CD164: variants seen among roughly 807,000 people sequenced by gnomAD.
CD164 encodes the protein sialomucin core protein 24.
A neutral mutation model predicts 24.6 loss-of-function variants in CD164; 11 were observed. The ratio of observed to expected loss-of-function variants is 0.45; its 90% CI spans 0.28 to 0.74. The LOEUF (loss-of-function observed/expected upper bound fraction) is 0.74, where lower values mean the gene tolerates loss of function less well. Ranked by LOEUF, CD164 falls within the 30% of genes least tolerant of loss-of-function variation. The pLI is 0.13. For synonymous variants in CD164, 126 were observed against 100.3 expected (o/e 1.26, Z -1.53); for missense variants, 295 against 243.7 (o/e 1.21, Z -1.40).
At position 109,368,482 on chromosome 6, in the gene CD164, C is replaced by T. The variant is rs1295773278; in HGVS notation, c.*369G>A. On this transcript the variant is annotated 3_prime_UTR_variant, in exon 6 of 6. Transcript: ENST00000310786. ...GGCACGTTCTTCTCAATTCTGTTCA[C>T]TAAATTAAAATTACTAAATTTAAAC... 2.2e-6 allele frequency: 3 copies of T among 1,354,610 alleles called. No homozygotes were observed. The highest frequency in any genetic ancestry group is 3.0e-5 in the African/African-American group (2 of 65,964). 83.9% of individuals were successfully genotyped at this position (1,354,610 alleles called of 1,614,324 possible). A position where few individuals can be genotyped will look rare whatever the true frequency, so the allele number is the denominator to read the frequency against.
At chr6:109,374,144 C>G (rs1771266996) in intron 4 of CD164, among the ~76,000 whole-genome samples, 1 of 152,120 alleles carries the variant, frequency 6.6e-6, no homozygotes, top group African/African-American at 2.4e-5. Flanking sequence ...TTACTGTTTC[C>G]TAGAGTCTGG....
At position 109,382,462 on chromosome 6, in the gene CD164, G is replaced by C. The variant is rs1771841603; in HGVS notation, c.-84C>G. 1.2e-5 allele frequency: 16 copies of C among 1,312,708 alleles called. No individual in the cohort carries two copies. In the South Asian group the frequency reaches 1.3e-4, roughly 11 times the overall value. 81.3% of individuals were successfully genotyped at this position (1,312,708 alleles called of 1,614,324 possible). A position where few individuals can be genotyped will look rare whatever the true frequency, so the allele number is the denominator to read the frequency against. On this transcript the variant is annotated 5_prime_UTR_variant, in exon 1 of 6. Transcript: ENST00000310786. ...CTCAATCCCCTGCGGCGCCGCCTCC[G>C]AGACTACGCTCCCCCGCGGGAGCGC...
In CD164 at chr6:109,368,034, G is replaced by A. The variant is rs1467070851; in HGVS notation, c.*817C>T. On this transcript the variant is annotated 3_prime_UTR_variant, in exon 6 of 6. Coordinates refer to ENST00000310786, the MANE Select transcript of CD164 (RefSeq NM_006016.6). ...AACAGACTTTAGCTTAAGTTTCTCC[G>A]CTCTGAAATAAATTTTCAATAAAAT... is the stretch of plus-strand genomic sequence containing the variant. The A allele has an allele frequency of 9.8e-6, 3 of 307,112 alleles. No individual in the cohort carries two copies. The highest frequency in any genetic ancestry group is 5.1e-5 in the Admixed American group (1 of 19,498). 19.0% of individuals were successfully genotyped at this position (307,112 alleles called of 1,614,324 possible).
In CD164 at chr6:109,379,668, G is replaced by GA. The variant is rs1562243546; in HGVS notation, c.176-7dup. The GA allele has an allele frequency of 2.6e-5, 42 of 1,606,108 alleles. No homozygotes were observed. The highest frequency in any genetic ancestry group is 3.5e-5 in the Non-Finnish European group (41 of 1,175,694). On this transcript the variant is annotated splice_region_variant and splice_polypyrimidine_tract_variant and intron_variant, in intron 1 of 5. Transcript: ENST00000310786. ...GTTTCGACCTTCACAGGTTTCTGGG[G>GA]AGTTGGGGGGAGAGATGCATGAAAT...
intron 3 of CD164, among the ~76,000 whole-genome samples, chr6:109,377,028 T>C (rs1382153859): frequency 6.6e-6 from 1 of 152,120 alleles, no homozygotes; most frequent in East Asian, 1.9e-4. Flanking sequence ...TCCCAGCTTC[T>C]GGGGAGGCTG....
At position 109,370,416 on chromosome 6, in the gene CD164, G is replaced by A; in HGVS notation, c.422C>T (p.Thr141Ile). ...SPSTTSKTVT[T>I]SGTTNNTVTP... ...ATCTAAAAAGCCTCAATTACCTGAT[G>A]TAGTAACTGTCTTGGAAGTTGTAGA... Residue 141 changes from threonine to isoleucine, a missense_variant, in exon 5 of 6, where the codon ACA (threonine) becomes ATA (isoleucine). Physicochemically the swap from Thr to Ile is moderately conservative, Grantham distance 89. Coordinates refer to ENST00000310786, the MANE Select transcript of CD164 (RefSeq NM_006016.6). The A allele has an allele frequency of 6.2e-7, 1 of 1,611,346 alleles. No homozygotes were observed. Among genetic ancestry groups the A allele is most frequent in the South Asian group, 1.1e-5 (1 of 91,010 alleles).
intron 4 of CD164, among the ~76,000 whole-genome samples, chr6:109,375,120 G>A (rs1771319884): frequency 6.6e-6 from 1 of 152,064 alleles, no homozygotes; most frequent in Non-Finnish European, 1.5e-5. Context: ...CAGGTTGATG[G>A]GAATGAAAAT....
At chr6:109,372,082 G>A (rs1010216513) in intron 4 of CD164, 1 of 152,144 alleles carries the variant, frequency 6.6e-6, no homozygotes, top group Non-Finnish European at 1.5e-5. Context: ...CTTAACCCAC[G>A]AAAGACAGGG....
chr6:109,371,269 GA>G, intron 4 of CD164: 1 of 140,628 alleles, frequency 7.1e-6, no homozygotes, highest in South Asian at 2.2e-4. Context: ...TTTTTTTTTT[GA>G]GATGGAGTCT....
intron 2 of CD164, among the ~76,000 whole-genome samples, chr6:109,378,379 C>T (rs879808742): frequency 4.0e-5 from 6 of 151,440 alleles, no homozygotes; most frequent in Admixed American, 6.6e-5. Flanking sequence ...GTCAGGAGTT[C>T]GAGATCAGCC....
intron 1 of CD164, chr6:109,380,078 T>C (rs1771651528): frequency 6.6e-6 from 1 of 150,696 alleles, no homozygotes; most frequent in Non-Finnish European, 1.5e-5. Flanking sequence ...ACCCTGAGAT[T>C]TTTAGTAGTA....
intron 1 of CD164, 188 bp from the exon 2 acceptor site, chr6:109,379,850 C>G: frequency 1.9e-6 from 1 of 526,874 alleles, no homozygotes; most frequent in South Asian, 2.3e-5. Flanking sequence ...TAAGTAAACG[C>G]ATTAGAAAAA....
chr6:109,381,780 C>T lies in CD164; in HGVS notation c.175+424G>A, dbSNP rs1771765497. On this transcript the variant is annotated intron_variant, in intron 1 of 5. Coordinates refer to ENST00000310786, the MANE Select transcript of CD164 (RefSeq NM_006016.6). Reference sequence around the variant, plus strand: ...CGGAGAGAGGCGCCGGGAGGGTGAACAACCAGTGGCAGGGAGAGGCAGCTC... The same window carrying T: ...CGGAGAGAGGCGCCGGGAGGGTGAATAACCAGTGGCAGGGAGAGGCAGCTC... 8 of 573,594 alleles carry T rather than the reference C, an allele frequency of 1.4e-5. No homozygotes were observed. The Admixed American group carries it at 2.2e-4, about 16-fold the overall frequency. 35.5% of individuals were successfully genotyped at this position (573,594 alleles called of 1,614,324 possible).
chr6:109,379,957 G>A (rs774415219), intron 1 of CD164: 9 of 232,110 alleles, frequency 3.9e-5, no homozygotes, highest in Non-Finnish European at 8.4e-6. Flanking sequence ...CAGCCACTAA[G>A]GATTTAGGCA....
intron 4 of CD164, among the ~76,000 whole-genome samples, chr6:109,374,010 T>C (rs1243725084): frequency 2.6e-5 from 4 of 152,230 alleles, no homozygotes; most frequent in Admixed American, 6.5e-5. Flanking sequence ...TTTGACTACT[T>C]CTTCCTTTGA....
chr6:109,377,097 A>T (rs1279033500), intron 3 of CD164, among the ~76,000 whole-genome samples: 1 of 152,162 alleles, frequency 6.6e-6, no homozygotes, highest in Non-Finnish European at 1.5e-5. Flanking sequence ...TGATTGTGCC[A>T]CTGCACTCCA....
intron 3 of CD164, among the ~76,000 whole-genome samples, chr6:109,377,316 T>C (rs1403197354): frequency 3.3e-5 from 5 of 152,212 alleles, no homozygotes; most frequent in African/African-American, 9.6e-5. Context: ...CTTTTTCCTA[T>C]TCAATTATTA....
intron 4 of CD164, chr6:109,371,953 A>G (rs1057065467): frequency 1.3e-5 from 2 of 152,232 alleles, no homozygotes; most frequent in Non-Finnish European, 2.9e-5. Flanking sequence ...GTAAGGTGCT[A>G]TGCAAACATT....
intron 5 of CD164, 48 bp downstream of exon 5, chr6:109,370,363 A>G: frequency 1.4e-6 from 2 of 1,433,858 alleles, no homozygotes; most frequent in African/African-American, 1.4e-5. Context: ...AAAGGGCAAC[A>G]TCGTGCACAC....
Sources: allele counts gnomAD v4.1 joint callset (sites outside exome capture counted in the v4.1 genomes callset), GRCh38; gene constraint gnomAD v4.1.1; transcripts MANE v1.5; gene names NCBI Gene and HGNC (gene_info 2026-07-23, HGNC 2026-07-21).